The following TAFA1 variants were observed in gnomAD, a reference collection of about 807,000 sequenced individuals.
TAFA1 encodes the protein chemokine-like protein TAFA-1.
Under a neutral mutation model 18.5 loss-of-function variants are expected in TAFA1, and 4 were observed. That is an observed-to-expected ratio of 0.22 (90% confidence interval 0.11 to 0.49). The LOEUF is 0.49. TAFA1 is among the 20% of genes least tolerant of loss of function. TAFA1 has a pLI of 0.98. For missense variants in TAFA1, 147 were observed against 169.0 expected (o/e 0.87, Z 0.72); for synonymous variants, 56 against 55.2 (o/e 1.01, Z -0.06).
At position 68,125,942 on chromosome 3, in the gene TAFA1, G is replaced by A. The variant is rs549149644; in HGVS notation, c.118+119198G>A. Among the ~76,000 whole-genome samples the A allele has an allele frequency of 4.6e-5, 7 of 152,284 alleles. No homozygotes were observed. The South Asian group carries it at 1.5e-3, about 32-fold the overall frequency. On this transcript the variant is annotated intron_variant, in intron 2 of 4. Coordinates refer to ENST00000478136, the MANE Select transcript of TAFA1 (RefSeq NM_213609.4). ...CTCATCCTCCAGGTAGATGATTCTA[G>A]AAAGTGTTCCACATGCTTCTCAGTG...
chr3:68,078,858 A>G (rs1331843454), intron 2 of TAFA1, among the ~76,000 whole-genome samples: 1 of 151,990 alleles, frequency 6.6e-6, no homozygotes, highest in African/African-American at 2.4e-5. Flanking sequence ...CTCTTTTTCT[A>G]TTGATTGGAA....
At chr3:68,442,570 T>C (rs2071403594) in intron 3 of TAFA1, among the ~76,000 whole-genome samples, 1 of 151,942 alleles carries the variant, frequency 6.6e-6, no homozygotes, top group African/African-American at 2.4e-5. Flanking sequence ...AATAACCCAG[T>C]AGAGTTTATG....
At chr3:68,184,875 C>T (rs1232344057) in intron 2 of TAFA1, among the ~76,000 whole-genome samples, 1 of 152,142 alleles carries the variant, frequency 6.6e-6, no homozygotes, top group African/African-American at 2.4e-5. Flanking sequence ...TTCCTATGGG[C>T]TGAGACATGG....
At chr3:68,491,872 C>T (rs2072459891) in intron 3 of TAFA1, among the ~76,000 whole-genome samples, 1 of 152,112 alleles carries the variant, frequency 6.6e-6, no homozygotes, top group African/African-American at 2.4e-5. Context: ...ATCAGAATCT[C>T]TGCCTGTATG....
chr3:68,081,538 A>T (rs1162838179), intron 2 of TAFA1, among the ~76,000 whole-genome samples: 2 of 151,704 alleles, frequency 1.3e-5, no homozygotes, highest in African/African-American at 2.4e-5. Flanking sequence ...AACAGACAGG[A>T]CCCTCAGCTG....
chr3:68,334,236 A>C (rs2068932293), intron 2 of TAFA1, among the ~76,000 whole-genome samples: 1 of 152,226 alleles, frequency 6.6e-6, no homozygotes, highest in Non-Finnish European at 1.5e-5. Flanking sequence ...TACATAGAAA[A>C]AATGGTATGG....
At chr3:68,098,436 G>A (rs2065112380) in intron 2 of TAFA1, among the ~76,000 whole-genome samples, 1 of 152,024 alleles carries the variant, frequency 6.6e-6, no homozygotes, top group Admixed American at 6.6e-5. Flanking sequence ...ATATATAAAG[G>A]CATTAACTTC....
At chr3:68,457,176 T>A (rs941621692) in intron 3 of TAFA1, among the ~76,000 whole-genome samples, 5 of 152,248 alleles carry the variant, frequency 3.3e-5, no homozygotes, top group Non-Finnish European at 7.3e-5. Context: ...GGTAGTATAC[T>A]ATGTGCTACA....
intron 2 of TAFA1, among the ~76,000 whole-genome samples, chr3:68,328,768 A>G (rs1260741911): frequency 2.0e-5 from 3 of 152,094 alleles, no homozygotes; most frequent in South Asian, 4.1e-4. Context: ...TATAATAAAT[A>G]TGTATATGGC....
chr3:68,303,422 A>G (rs539653970), intron 2 of TAFA1, among the ~76,000 whole-genome samples: 23 of 152,066 alleles, frequency 1.5e-4, no homozygotes, highest in African/African-American at 4.8e-4. Context: ...TTTTGGCCCA[A>G]TTGTCCTTGT....
chr3:68,120,370 C>G (rs148809631), intron 2 of TAFA1, among the ~76,000 whole-genome samples: 1 of 151,926 alleles, frequency 6.6e-6, no homozygotes, highest in Non-Finnish European at 1.5e-5. Flanking sequence ...ATGCCTCAGC[C>G]TCCAGGTAGT....
At chr3:68,188,802 T>A (rs1353683644) in intron 2 of TAFA1, among the ~76,000 whole-genome samples, 1 of 151,956 alleles carries the variant, frequency 6.6e-6, no homozygotes, top group Admixed American at 6.6e-5. Flanking sequence ...TTTTATGTGA[T>A]GCTTCTTTTG....
chr3:68,085,309 G>T (rs1016179693), intron 2 of TAFA1, among the ~76,000 whole-genome samples: 1 of 152,128 alleles, frequency 6.6e-6, no homozygotes, highest in African/African-American at 2.4e-5. Context: ...GACTTATCAA[G>T]GCCTTAATTG....
At chr3:68,089,334 C>G (rs776711428) in intron 2 of TAFA1, among the ~76,000 whole-genome samples, 1 of 152,150 alleles carries the variant, frequency 6.6e-6, no homozygotes, top group Non-Finnish European at 1.5e-5. Context: ...AAATTTTCAG[C>G]ACACTGGCTG....
At chr3:68,280,480 G>T (rs2067878833) in intron 2 of TAFA1, among the ~76,000 whole-genome samples, 1 of 152,158 alleles carries the variant, frequency 6.6e-6, no homozygotes, top group African/African-American at 2.4e-5. Flanking sequence ...AAAATTTTCA[G>T]ATGGTAAAGA....
chr3:68,194,675 G>A (rs2066389628), intron 2 of TAFA1, among the ~76,000 whole-genome samples: 1 of 151,616 alleles, frequency 6.6e-6, no homozygotes, highest in South Asian at 2.1e-4. Context: ...GTTGTTGTAG[G>A]CCACCCAGTT....
intron 2 of TAFA1, among the ~76,000 whole-genome samples, chr3:68,090,895 A>C (rs934604152): frequency 2.0e-5 from 3 of 152,182 alleles, no homozygotes; most frequent in Admixed American, 2.0e-4. Context: ...TATCTTCAGA[A>C]AGATTCTCAG....
intron 2 of TAFA1, among the ~76,000 whole-genome samples, chr3:68,380,397 G>A (rs2069919116): frequency 6.6e-6 from 1 of 152,132 alleles, no homozygotes; most frequent in South Asian, 2.1e-4. Context: ...GTGTAAAAGT[G>A]TTCCTATTTC....
chr3:68,350,521 G>A lies in TAFA1; in HGVS notation c.119-66759G>A, dbSNP rs552261584. On this transcript the variant is annotated intron_variant, in intron 2 of 4. Transcript: ENST00000478136. Reference sequence around the variant, plus strand: ...GGCCTACCACAGATTTCCTGAATTAGCCTTCTAGGATCTGCATTTTTAAAA... The same window carrying A: ...GGCCTACCACAGATTTCCTGAATTAACCTTCTAGGATCTGCATTTTTAAAA... Among the ~76,000 whole-genome samples the A allele has an allele frequency of 2.6e-5, 4 of 152,172 alleles. No homozygotes were observed. The East Asian group carries it at 7.8e-4, about 29-fold the overall frequency.
Sources: gnomAD v4.1 joint callset for allele counts (sites outside exome capture counted in the v4.1 genomes callset) on GRCh38, gnomAD v4.1.1 for gene constraint, MANE v1.5 for transcripts, NCBI Gene and HGNC (gene_info 2026-07-23, HGNC 2026-07-21) for gene names.